The following OTUB1 variants were observed in gnomAD, a reference collection of about 807,000 sequenced individuals.
OTUB1 encodes the protein ubiquitin thioesterase OTUB1.
OTUB1 carries 10 observed loss-of-function variants against 35.8 expected under a neutral mutation model. The ratio of observed to expected loss-of-function variants is 0.28; its 90% CI spans 0.17 to 0.47. The LOEUF (loss-of-function observed/expected upper bound fraction) is 0.47, where lower values mean the gene tolerates loss of function less well. Ranked by LOEUF, OTUB1 falls within the 20% of genes least tolerant of loss-of-function variation. The pLI, the probability that OTUB1 is intolerant of heterozygous loss-of-function variation, is 0.99. For synonymous variants in OTUB1, 158 were observed against 143.8 expected, an observed-to-expected ratio of 1.10 and a Z score of -0.71; for missense variants, 264 against 351.6, an observed-to-expected ratio of 0.75 and a Z score of 1.99.
At position 63,997,893 on chromosome 11, in the gene OTUB1, G is replaced by A; in HGVS notation, c.*347G>A. 3.2e-6 allele frequency: 2 copies of A among 621,630 alleles called. No individual in the cohort carries two copies. The highest frequency in any genetic ancestry group is 5.7e-6 in the Non-Finnish European group (2 of 348,280). The allele number at this position is 621,630 out of a possible 1,614,324, so 38.5% of individuals were successfully genotyped here. A position where few individuals can be genotyped will look rare whatever the true frequency, so the allele number is the denominator to read the frequency against. On this transcript the variant is annotated 3_prime_UTR_variant, in exon 7 of 7. Coordinates refer to ENST00000538426, the MANE Select transcript of OTUB1 (RefSeq NM_017670.3). ...TTCTGCTTCCTTCCCTTCTTAGCTGGCTCAGGGGCTTCTATGGGATCCTGG... is the reference window on the plus strand; with the variant it reads ...TTCTGCTTCCTTCCCTTCTTAGCTGACTCAGGGGCTTCTATGGGATCCTGG...
intron 3 of OTUB1, among the ~76,000 whole-genome samples, chr11:63,992,531 G>A (rs73496067): frequency 0.026 from 3,942 of 151,202 alleles, 152 homozygotes; most frequent in African/African-American, 0.084. Context: ...CATCTGGCAG[G>A]TGACTCTGGT....
At position 63,994,923 on chromosome 11, in the gene OTUB1, C is replaced by T. The variant is rs540324462; in HGVS notation, c.220-1607C>T. 2.2e-3 allele frequency among the ~76,000 whole-genome samples: 339 copies of T among 152,322 alleles called. 1 individual carries two copies. The highest frequency in any genetic ancestry group is 9.7e-3 in the South Asian group (47 of 4,828). ...AAATTGAAGGGTAGCCAGACAGAAACGTAAAGTCCAGGATTCCCTTCCTTT... is the reference window on the plus strand; with the variant it reads ...AAATTGAAGGGTAGCCAGACAGAAATGTAAAGTCCAGGATTCCCTTCCTTT... On this transcript the variant is annotated intron_variant, in intron 3 of 6. Coordinates refer to ENST00000538426, the MANE Select transcript of OTUB1 (RefSeq NM_017670.3).
At chr11:63,993,783 C>G (rs767532539) in intron 3 of OTUB1, among the ~76,000 whole-genome samples, 13 of 152,110 alleles carry the variant, frequency 8.5e-5, no homozygotes, top group Non-Finnish European at 1.8e-4. Flanking sequence ...GATCCTCCCC[C>G]CTTGGCCTCC....
At position 63,997,787 on chromosome 11, in the gene OTUB1, C is replaced by T. The variant is rs757892062; in HGVS notation, c.*241C>T. On this transcript the variant is annotated 3_prime_UTR_variant, in exon 7 of 7. Coordinates refer to ENST00000538426, the MANE Select transcript of OTUB1 (RefSeq NM_017670.3). ...CCCCCAGGTGGGTCCCCCTGCTTTT[C>T]ACCTATCTACTCCTGAGCTTCCCCA... The T allele has an allele frequency of 3.0e-5, 21 of 700,486 alleles. No homozygotes were observed. Among genetic ancestry groups the T allele is most frequent in the Non-Finnish European group, 3.9e-5 (15 of 384,926 alleles). 43.4% of individuals were successfully genotyped at this position (700,486 alleles called of 1,614,324 possible).
intron 1 of OTUB1, among the ~76,000 whole-genome samples, chr11:63,987,411 C>T (rs1942631313): frequency 6.6e-6 from 1 of 152,202 alleles, no homozygotes; most frequent in South Asian, 2.1e-4. Context: ...TTCAGGTGTC[C>T]TAGCTCCTCA....
intron 3 of OTUB1, among the ~76,000 whole-genome samples, chr11:63,991,006 G>C (rs1000928723): frequency 6.6e-6 from 1 of 152,230 alleles, no homozygotes; most frequent in Non-Finnish European, 1.5e-5. Context: ...AGATCCAGCT[G>C]TGTGAGATCT....
At position 63,987,300 on chromosome 11, in the gene OTUB1, C is replaced by T. The variant is rs1386906713; in HGVS notation, c.58+786C>T. 2.0e-5 allele frequency among the ~76,000 whole-genome samples: 3 copies of T among 152,174 alleles called. No homozygotes were observed. In the East Asian group the frequency reaches 5.8e-4, roughly 29 times the overall value. ...TTGACCTTTAAAGTCATTCAGCCCACGCACCTCATTCTCACCGAACACTTG... is the reference window on the plus strand; with the variant it reads ...TTGACCTTTAAAGTCATTCAGCCCATGCACCTCATTCTCACCGAACACTTG... On this transcript the variant is annotated intron_variant, in intron 1 of 6. Transcript: ENST00000538426.
rs771631388 is a variant in OTUB1 at position 63,996,954 on chromosome 11, G to A, written c.423+13G>A. On this transcript the variant is annotated intron_variant, in intron 5 of 6. Transcript: ENST00000538426. ...TTTCCACAACACGGTGAGCCCTGGT[G>A]CCTGTCTTGGGCTGGGCCATGGGGG... The A allele has an allele frequency of 2.5e-6, 4 of 1,613,774 alleles. No individual in the cohort carries two copies. In the African/African-American group the frequency reaches 4.0e-5, roughly 16 times the overall value.
rs1363119935 is a variant in OTUB1 at position 63,988,406 on chromosome 11, G to C, written c.120+8G>C. 1 of 1,552,984 alleles carries C rather than the reference G, an allele frequency of 6.4e-7. No homozygotes were observed. The highest frequency in any genetic ancestry group is 2.0e-5 in the Admixed American group (1 of 51,048). On this transcript the variant is annotated splice_region_variant and intron_variant, in intron 2 of 6. Coordinates refer to ENST00000538426, the MANE Select transcript of OTUB1 (RefSeq NM_017670.3). ...GACCGAATTCAGCAAGAGGTGAGGG[G>C]CTGCAGTGGGCGAGGGAGGCAGTGG...
At position 63,988,713 on chromosome 11, in the gene OTUB1, G is replaced by A. The variant is rs942232967; in HGVS notation, c.180G>A (p.Glu60=). The A allele has an allele frequency of 2.5e-6, 4 of 1,613,142 alleles. No individual in the cohort carries two copies. The highest frequency in any genetic ancestry group is 2.7e-5 in the African/African-American group (2 of 74,926). Residue 60 remains glutamate (E), a synonymous_variant, in exon 3 of 7, where the codon GAG becomes GAA. Transcript: ENST00000538426. ...TGGAGCTCTCGGTCCTATACAAGGAGTATGCTGAAGATGACAACATCTATC... is the reference window on the plus strand; with the variant it reads ...TGGAGCTCTCGGTCCTATACAAGGAATATGCTGAAGATGACAACATCTATC... The part of the protein sequence containing the change: ...ERLELSVLYK[E]YAEDDNIYQQ...
chr11:63,986,665 C>G, intron 1 of OTUB1, 151 bp downstream of exon 1: 1 of 648,888 alleles, frequency 1.5e-6, no homozygotes, highest in South Asian at 2.1e-5. Context: ...TCCCCTCCCC[C>G]TCACAATGGA....
intron 3 of OTUB1, among the ~76,000 whole-genome samples, chr11:63,991,346 G>A (rs1590779676): frequency 6.6e-6 from 1 of 152,192 alleles, no homozygotes; most frequent in Non-Finnish European, 1.5e-5. Context: ...GTGTCCTCCA[G>A]TGGGACCCCC....
intron 3 of OTUB1, chr11:63,990,230 T>A (rs937114273): frequency 5.3e-5 from 8 of 151,688 alleles, no homozygotes; most frequent in Non-Finnish European, 4.4e-5. Context: ...ACAGATTTCC[T>A]CAAAGGGCCC....
intron 1 of OTUB1, among the ~76,000 whole-genome samples, chr11:63,987,850 C>G (rs934521422): frequency 6.6e-6 from 1 of 152,162 alleles, no homozygotes; most frequent in Non-Finnish European, 1.5e-5. Context: ...CATTCCCAGG[C>G]TGCTGGGAAG....
chr11:63,989,789 G>GGATTACA (rs886963535), intron 3 of OTUB1: 1 of 151,514 alleles, frequency 6.6e-6, no homozygotes, highest in African/African-American at 2.4e-5. Context: ...ACTTTGGCAG[G>GGATTACA]CTGAGGCGGG....
intron 6 of OTUB1, 40 bp downstream of exon 6, chr11:63,997,284 C>T: frequency 1.2e-6 from 2 of 1,610,914 alleles, no homozygotes; most frequent in Non-Finnish European, 1.7e-6. Context: ...CGGGGGAGTG[C>T]AGTGGGCCCA....
intron 1 of OTUB1, among the ~76,000 whole-genome samples, chr11:63,987,739 C>T (rs1942634443): frequency 6.6e-6 from 1 of 152,124 alleles, no homozygotes; most frequent in African/African-American, 2.4e-5. Flanking sequence ...AGGATGAAGG[C>T]GGTGATGGAG....
intron 3 of OTUB1, among the ~76,000 whole-genome samples, chr11:63,991,583 CCT>C (rs1310260599): frequency 2.0e-5 from 3 of 152,184 alleles, no homozygotes; most frequent in South Asian, 2.1e-4. Context: ...AGAGAGAGCT[CCT>C]CTCTCTCTAA....
chr11:63,986,707 G>A, intron 1 of OTUB1, 193 bp downstream of exon 1: 1 of 561,688 alleles, frequency 1.8e-6, no homozygotes, highest in South Asian at 2.3e-5. Flanking sequence ...CGGCCGGGAG[G>A]GAGCACGGGC....
Sources: allele counts gnomAD v4.1 joint callset (sites outside exome capture counted in the v4.1 genomes callset), GRCh38; gene constraint gnomAD v4.1.1; transcripts MANE v1.5; gene names NCBI Gene and HGNC (gene_info 2026-07-23, HGNC 2026-07-21).